Variants in CDC14B observed in about 807,000 individuals in gnomAD.
The protein encoded by CDC14B is cell division cycle 14B, also known as dual specificity protein phosphatase CDC14B.
Under a neutral mutation model 64.2 loss-of-function variants are expected in CDC14B, and 22 were observed. That is an observed-to-expected ratio of 0.34 (90% CI 0.24 to 0.49). The LOEUF is 0.49. Ranked by LOEUF, CDC14B falls within the 20% of genes least tolerant of loss-of-function variation. The pLI, the probability that CDC14B is intolerant of heterozygous loss-of-function variation, is 0.99. For synonymous variants in CDC14B, 191 were observed against 215.8 expected (o/e 0.89, Z 1.01); for missense variants, 498 against 629.9 (o/e 0.79, Z 2.24).
chr9:96,497,329 C>G (rs553380966), downstream of CDC14B, among the ~76,000 whole-genome samples: 3 of 152,170 alleles, frequency 2.0e-5, no homozygotes, highest in South Asian at 4.1e-4. Flanking sequence ...GGAGGCCCCC[C>G]ACTCCCACAC....
intron 5 of CDC14B, among the ~76,000 whole-genome samples, chr9:96,550,302 T>C (rs1310912721): frequency 6.6e-6 from 1 of 152,254 alleles, no homozygotes; most frequent in African/African-American, 2.4e-5. Flanking sequence ...CCAATTCTAA[T>C]TTGCTCAATC....
chr9:96,544,993 C>T (rs1370947500), intron 5 of CDC14B, among the ~76,000 whole-genome samples: 2 of 152,210 alleles, frequency 1.3e-5, no homozygotes, highest in African/African-American at 4.8e-5. Flanking sequence ...ACCACCCCAC[C>T]TGTTAGAAAT....
In CDC14B at chr9:96,502,987, CTCCCAGTTCTTCAG is replaced by C; in HGVS notation, c.*752_*765del. The C allele has an allele frequency of 2.5e-6, 1 of 397,782 alleles. No individual in the cohort carries two copies. Among genetic ancestry groups the C allele is most frequent in the Non-Finnish European group, 4.4e-6 (1 of 225,518 alleles). The allele number at this position is 397,782 out of a possible 1,614,324, so 24.6% of individuals were successfully genotyped here. On this transcript the variant is annotated 3_prime_UTR_variant, in exon 14 of 14. Transcript: ENST00000375241. ...GACTGGCAACCAAACAATGGGCAGC[CTCCCAGTTCTTCAG>C]TCCCTGAAGGACAGAAAAAGGAACG...
chr9:96,586,991 C>T lies in CDC14B; in HGVS notation c.161-21508G>A, dbSNP rs141996058. ...ATTTCGAGACTAGCCTGGCCAACAC[C>T]GCGAAACCCTGTCTCTACTAAAAAT... On this transcript the variant is annotated intron_variant, in intron 1 of 13. Transcript: ENST00000375241. Among the ~76,000 whole-genome samples, 416 of 151,932 alleles carry T rather than the reference C, an allele frequency of 2.7e-3. 5 individuals are homozygous for T. Among genetic ancestry groups the T allele is most frequent in the African/African-American group, 9.5e-3 (392 of 41,456 alleles).
chr9:96,592,576 C>T (rs1845850447), intron 1 of CDC14B, among the ~76,000 whole-genome samples: 1 of 152,122 alleles, frequency 6.6e-6, no homozygotes, highest in South Asian at 2.1e-4. Context: ...GAGTTCAAGA[C>T]CAGCCTGGCC....
chr9:96,493,374 G>C (rs1833136147), intron 13 of CDC14B: 1 of 152,436 alleles, frequency 6.6e-6, no homozygotes, highest in South Asian at 2.1e-4. Context: ...ACTCATGCCT[G>C]CTTCAGACAA....
intron 9 of CDC14B, among the ~76,000 whole-genome samples, chr9:96,528,816 T>C (rs1837986037): frequency 6.6e-6 from 1 of 152,224 alleles, no homozygotes; most frequent in South Asian, 2.1e-4. Context: ...GGGTATAAAG[T>C]GGTATCTCAC....
At chr9:96,524,850 A>T (rs893338136) in intron 9 of CDC14B, among the ~76,000 whole-genome samples, 8 of 152,174 alleles carry the variant, frequency 5.3e-5, no homozygotes, top group African/African-American at 1.4e-4. Context: ...AATCTCCTAC[A>T]TATAAAAAAA....
chr9:96,495,380 C>T (rs1833201146), downstream of CDC14B, among the ~76,000 whole-genome samples: 1 of 151,536 alleles, frequency 6.6e-6, no homozygotes. Flanking sequence ...TTCTGGGCAC[C>T]CATGTGTGCT....
intron 4 of CDC14B, among the ~76,000 whole-genome samples, chr9:96,553,246 G>C (rs79005009): frequency 0.013 from 2,045 of 152,176 alleles, 38 homozygotes; most frequent in African/African-American, 0.046. Flanking sequence ...CCTAAAACTA[G>C]TCATAAGCAC....
rs1833445085 is a variant in CDC14B at position 96,500,312 on chromosome 9, T to G, written c.*3441A>C. On this transcript the variant is annotated 3_prime_UTR_variant, in exon 14 of 14. Coordinates refer to ENST00000375241, the MANE Select transcript of CDC14B (RefSeq NM_033331.4). Reference sequence around the variant, plus strand: ...GAAAATAAACATTCATTCAACCAGTTCTCTTGGCTTTAAAAAATATGATTA... The same window carrying G: ...GAAAATAAACATTCATTCAACCAGTGCTCTTGGCTTTAAAAAATATGATTA... 1 of 152,444 alleles carries G rather than the reference T, an allele frequency of 6.6e-6. No individual in the cohort carries two copies. 9.4% of individuals were successfully genotyped at this position (152,444 alleles called of 1,614,324 possible). A position where few individuals can be genotyped will look rare whatever the true frequency, so the allele number is the denominator to read the frequency against.
intron 1 of CDC14B, among the ~76,000 whole-genome samples, chr9:96,584,035 T>C (rs1845327995): frequency 1.3e-5 from 2 of 152,144 alleles, no homozygotes; most frequent in South Asian, 2.1e-4. Context: ...GGATTTCTGA[T>C]TGACTGGAAC....
At chr9:96,525,758 G>A (rs559682783) in intron 9 of CDC14B, among the ~76,000 whole-genome samples, 29 of 143,596 alleles carry the variant, frequency 2.0e-4, no homozygotes, top group African/African-American at 7.1e-4. Flanking sequence ...CCTCAGGATG[G>A]ATCATACCTC....
chr9:96,512,762 G>A (rs1158097994), intron 12 of CDC14B, among the ~76,000 whole-genome samples: 1 of 152,106 alleles, frequency 6.6e-6, no homozygotes, highest in East Asian at 1.9e-4. Flanking sequence ...TGAAGCCCAG[G>A]CCGGGGCACT....
chr9:96,586,602 T>G (rs1845464653), intron 1 of CDC14B, among the ~76,000 whole-genome samples: 1 of 152,110 alleles, frequency 6.6e-6, no homozygotes, highest in South Asian at 2.1e-4. Context: ...ACTCAGCTAA[T>G]TTTTAAATTT....
intron 1 of CDC14B, among the ~76,000 whole-genome samples, chr9:96,579,388 C>T (rs144700532): frequency 6.6e-6 from 1 of 151,742 alleles, no homozygotes; most frequent in African/African-American, 2.4e-5. Context: ...GAGATTAAGA[C>T]CATCCTGGCT....
intron 9 of CDC14B, among the ~76,000 whole-genome samples, chr9:96,525,685 C>G (rs1443359597): frequency 6.6e-6 from 1 of 152,308 alleles, no homozygotes; most frequent in African/African-American, 2.4e-5. Context: ...TGGTTTCTCC[C>G]TTTTGGAATG....
Position 96,560,582 on chromosome 9 carries a change from C to CTTTTTTTTTTT in CDC14B, c.420+2110_420+2111insAAAAAAAAAAA, listed in dbSNP as rs373160930. Among the ~76,000 whole-genome samples the CTTTTTTTTTTT allele has an allele frequency of 8.2e-4, 105 of 127,682 alleles. 6 individuals carry two copies. The highest frequency in any genetic ancestry group is 3.3e-3 in the African/African-American group (104 of 31,724). 83.8% of individuals were successfully genotyped at this position (127,682 alleles called of 152,430 possible). ...GGTTCATACATAGACTTTTCTCTTT[C>CTTTTTTTTTTT]TCTTTTTTTTTTTTTTTTTGAGACG... On this transcript the variant is annotated intron_variant, in intron 4 of 13. Transcript: ENST00000375241.
intron 7 of CDC14B, among the ~76,000 whole-genome samples, chr9:96,535,401 T>C (rs1020936602): frequency 6.6e-5 from 10 of 152,270 alleles, no homozygotes; most frequent in African/African-American, 2.4e-4. Context: ...AGTATGTCCC[T>C]ACAAAAAAAC....
Sources: gnomAD v4.1 joint callset for allele counts (sites outside exome capture counted in the v4.1 genomes callset) on GRCh38, gnomAD v4.1.1 for gene constraint, MANE v1.5 for transcripts, NCBI Gene and HGNC (gene_info 2026-07-23, HGNC 2026-07-21) for gene names.